Variants in ADAMTS3 observed in about 807,000 individuals in gnomAD.
ADAMTS3 encodes A disintegrin and metalloproteinase with thrombospondin motifs 3.
ADAMTS3 carries 73 observed loss-of-function variants against 129.0 expected under a neutral mutation model. The ratio of observed to expected loss-of-function variants is 0.57; its 90% confidence interval spans 0.47 to 0.69. ADAMTS3 has a LOEUF of 0.69. Ranked by LOEUF, ADAMTS3 falls within the 30% of genes least tolerant of loss-of-function variation. The probability of loss-of-function intolerance (pLI) is 0.00; values close to 1 mark genes in which losing one functional copy is unlikely to be tolerated. For missense variants in ADAMTS3, 1,457 were observed against 1,514.5 expected (o/e 0.96, Z 0.63); for synonymous variants, 477 against 510.8 (o/e 0.93, Z 0.89).
chr4:72,510,654 A>G (rs1578746487), intron 3 of ADAMTS3, among the ~76,000 whole-genome samples: 2 of 151,990 alleles, frequency 1.3e-5, no homozygotes, highest in African/African-American at 4.8e-5. Context: ...CATGGATTTG[A>G]AGAATCAATA....
At chr4:72,450,472 A>T (rs1718367001) in intron 3 of ADAMTS3, among the ~76,000 whole-genome samples, 2 of 151,672 alleles carry the variant, frequency 1.3e-5, no homozygotes, top group African/African-American at 4.8e-5. Context: ...TGTTTAATCC[A>T]TTATATGACC....
At chr4:72,512,683 G>A (rs1326278065) in intron 3 of ADAMTS3, among the ~76,000 whole-genome samples, 1 of 152,056 alleles carries the variant, frequency 6.6e-6, no homozygotes, top group Non-Finnish European at 1.5e-5. Context: ...ATTTCACCTT[G>A]CATGCCTGTA....
At chr4:72,345,480 T>C (rs907104672) in intron 4 of ADAMTS3, among the ~76,000 whole-genome samples, 6 of 152,146 alleles carry the variant, frequency 3.9e-5, no homozygotes, top group Non-Finnish European at 5.9e-5. Flanking sequence ...TCTCCACATA[T>C]GTGGAGGCAC....
chr4:72,348,871 C>T (rs1720356717), intron 4 of ADAMTS3, among the ~76,000 whole-genome samples: 1 of 151,638 alleles, frequency 6.6e-6, no homozygotes, highest in Non-Finnish European at 1.5e-5. Flanking sequence ...CTGAATTCTG[C>T]CAACAACCTG....
At chr4:72,399,851 T>G in intron 4 of ADAMTS3, among the ~76,000 whole-genome samples, 1 of 112,648 alleles carries the variant, frequency 8.9e-6, no homozygotes, top group African/African-American at 3.6e-5. Flanking sequence ...ACACACACGG[T>G]GTGTATATAC....
At chr4:72,299,055 G>C (rs1451193967) in intron 17 of ADAMTS3, among the ~76,000 whole-genome samples, 1 of 48,728 alleles carries the variant, frequency 2.1e-5, no homozygotes, top group Non-Finnish European at 3.8e-5. Context: ...TTTGCATTCT[G>C]TGTGTGTGTG....
intron 4 of ADAMTS3, among the ~76,000 whole-genome samples, chr4:72,342,359 CTTTTTTTTTT>C (rs58586015): frequency 7.9e-6 from 1 of 127,270 alleles, no homozygotes; most frequent in African/African-American, 3.0e-5. Context: ...TCCCCAATTA[CTTTTTTTTTT>C]TTTTTTTTTT....
At chr4:72,477,333 C>G (rs1038286184) in intron 3 of ADAMTS3, among the ~76,000 whole-genome samples, 2 of 152,108 alleles carry the variant, frequency 1.3e-5, no homozygotes, top group African/African-American at 4.8e-5. Context: ...GAAATTATAA[C>G]AAACTGTCTC....
chr4:72,290,216 G>C (rs558807397), intron 20 of ADAMTS3, among the ~76,000 whole-genome samples: 56 of 152,316 alleles, frequency 3.7e-4, no homozygotes, highest in African/African-American at 1.2e-3. Context: ...AGAAATGTGT[G>C]TACTAGTGGC....
intron 3 of ADAMTS3, among the ~76,000 whole-genome samples, chr4:72,416,644 A>G (rs1578660805): frequency 1.3e-5 from 2 of 152,164 alleles, no homozygotes; most frequent in Non-Finnish European, 2.9e-5. Context: ...AAATGCACAT[A>G]TTTTTCAAAA....
intron 4 of ADAMTS3, among the ~76,000 whole-genome samples, chr4:72,394,818 A>C (rs1721685050): frequency 6.6e-6 from 1 of 152,234 alleles, no homozygotes; most frequent in African/African-American, 2.4e-5. Context: ...TATATTATTC[A>C]ATTAATATTC....
intron 3 of ADAMTS3, among the ~76,000 whole-genome samples, chr4:72,519,477 A>T (rs1195376203): frequency 2.6e-5 from 4 of 152,164 alleles, no homozygotes; most frequent in Admixed American, 2.0e-4. Flanking sequence ...AGGTACACAA[A>T]TCAGACATAG....
At chr4:72,559,551 G>A (rs542759087) in intron 2 of ADAMTS3, among the ~76,000 whole-genome samples, 1 of 151,862 alleles carries the variant, frequency 6.6e-6, no homozygotes, top group East Asian at 1.9e-4. Flanking sequence ...GGAAATTAAA[G>A]TTCCTGGAAA....
intron 4 of ADAMTS3, among the ~76,000 whole-genome samples, chr4:72,360,618 C>A (rs1011320586): frequency 6.6e-6 from 1 of 151,788 alleles, no homozygotes; most frequent in Non-Finnish European, 1.5e-5. Context: ...GTTATGGAAA[C>A]ACATGCACAT....
intron 4 of ADAMTS3, among the ~76,000 whole-genome samples, chr4:72,394,649 T>C (rs963124807): frequency 6.6e-6 from 1 of 152,174 alleles, no homozygotes; most frequent in Admixed American, 6.5e-5. Flanking sequence ...AGGGGGGTGA[T>C]GTATGTTTAT....
intron 3 of ADAMTS3, among the ~76,000 whole-genome samples, chr4:72,494,684 G>T (rs76222838): frequency 0.041 from 6,236 of 152,232 alleles, 141 homozygotes; most frequent in Non-Finnish European, 0.048. Flanking sequence ...ACATTTGAGG[G>T]AGCAGTAGCC....
intron 3 of ADAMTS3, among the ~76,000 whole-genome samples, chr4:72,470,661 C>A (rs1719048456): frequency 6.6e-6 from 1 of 151,916 alleles, no homozygotes; most frequent in Admixed American, 6.6e-5. Flanking sequence ...AAGATGTTTT[C>A]ACCTTTTTCA....
intron 3 of ADAMTS3, among the ~76,000 whole-genome samples, chr4:72,501,848 C>G (rs956572590): frequency 6.6e-6 from 1 of 152,054 alleles, no homozygotes; most frequent in African/African-American, 2.4e-5. Context: ...ATCAACAGCT[C>G]TTTCCACATC....
chr4:72,306,970 T>C (rs1355021996), intron 15 of ADAMTS3, among the ~76,000 whole-genome samples: 8 of 151,874 alleles, frequency 5.3e-5, no homozygotes, highest in Middle Eastern at 3.2e-3. Flanking sequence ...TCAGGTCAAT[T>C]AGAACAGATG....
Sources: allele counts gnomAD v4.1 joint callset (sites outside exome capture counted in the v4.1 genomes callset), GRCh38; gene constraint gnomAD v4.1.1; transcripts MANE v1.5; gene names NCBI Gene and HGNC (gene_info 2026-07-23, HGNC 2026-07-21).